Variants in MAGI2 observed in about 807,000 individuals in gnomAD.
The protein encoded by MAGI2 is membrane-associated guanylate kinase, WW and PDZ domain-containing protein 2.
In MAGI2, 35 loss-of-function variants were observed where a neutral mutation model predicts 133.3. The observed-to-expected ratio is 0.26, with a 90% confidence interval of 0.20 to 0.35. The LOEUF is 0.35. Among genes scored for constraint, MAGI2 ranks in the 10% least tolerant of loss-of-function variants. The probability of loss-of-function intolerance (pLI) is 1.00; values close to 1 mark genes in which losing one functional copy is unlikely to be tolerated. For synonymous variants in MAGI2, 729 were observed against 710.6 expected, an observed-to-expected ratio of 1.03 and a Z score of -0.41; for missense variants, 1,636 against 1,863.4, an observed-to-expected ratio of 0.88 and a Z score of 2.25.
intron 6 of MAGI2, among the ~76,000 whole-genome samples, chr7:78,438,116 G>A (rs993898548): frequency 2.6e-5 from 4 of 152,172 alleles, no homozygotes; most frequent in Admixed American, 2.6e-4. Context: ...ATCAACTGGT[G>A]AGAATAAAGC....
At position 78,875,559 on chromosome 7, in the gene MAGI2, T is replaced by A. The variant is rs572488204; in HGVS notation, c.418+131531A>T. ...TGTGTAGACAAATAAATAGTTTGGC[T>A]TTAAGCAAATTAATTACTTATCAGA... On this transcript the variant is annotated intron_variant, in intron 2 of 21. Transcript: ENST00000354212. Among the ~76,000 whole-genome samples the A allele has an allele frequency of 5.1e-4, 78 of 152,362 alleles. 1 individual carries two copies. Among genetic ancestry groups the A allele is most frequent in the African/African-American group, 1.8e-3 (73 of 41,586 alleles).
chr7:79,270,193 G>C (rs1834777057), intron 1 of MAGI2, among the ~76,000 whole-genome samples: 1 of 151,942 alleles, frequency 6.6e-6, no homozygotes, highest in African/African-American at 2.4e-5. Context: ...CCATTCTCCA[G>C]CTCCCTGCCC....
At chr7:79,383,156 C>T (rs1843920419) in intron 1 of MAGI2, among the ~76,000 whole-genome samples, 1 of 151,550 alleles carries the variant, frequency 6.6e-6, no homozygotes, top group Non-Finnish European at 1.5e-5. Context: ...TTTCTCTTTG[C>T]CTCAGAGTAT....
intron 3 of MAGI2, among the ~76,000 whole-genome samples, chr7:78,542,865 T>TA (rs1798526800): frequency 6.6e-6 from 1 of 152,208 alleles, no homozygotes; most frequent in Admixed American, 6.5e-5. Flanking sequence ...TCCTTCTTGT[T>TA]ACGCTGTGGA....
At chr7:78,295,373 CAGG>C (rs1286529784) in intron 9 of MAGI2, among the ~76,000 whole-genome samples, 4 of 152,168 alleles carry the variant, frequency 2.6e-5, no homozygotes, top group African/African-American at 4.8e-5. Context: ...CTTAGACTAA[CAGG>C]AGAATAAACT....
intron 1 of MAGI2, among the ~76,000 whole-genome samples, chr7:79,383,136 T>C (rs1843918668): frequency 6.6e-6 from 1 of 151,658 alleles, no homozygotes. Context: ...TCTAGGACCA[T>C]TGGTGGCTTT....
chr7:78,565,080 C>A (rs572016853), intron 3 of MAGI2, among the ~76,000 whole-genome samples: 1 of 151,792 alleles, frequency 6.6e-6, no homozygotes, highest in African/African-American at 2.4e-5. Context: ...GGTGTGAGCA[C>A]CGCGCCCGGC....
At chr7:78,432,572 A>G (rs1014030477) in intron 6 of MAGI2, among the ~76,000 whole-genome samples, 1 of 152,068 alleles carries the variant, frequency 6.6e-6, no homozygotes, top group Non-Finnish European at 1.5e-5. Context: ...TTTGAACAGA[A>G]CATATTAGTA....
chr7:78,358,886 G>A (rs981586851), intron 7 of MAGI2: 2 of 156,362 alleles, frequency 1.3e-5, no homozygotes, highest in Admixed American at 1.3e-4. Flanking sequence ...GACCAGAAAA[G>A]ACTGTTTATT....
intron 2 of MAGI2, among the ~76,000 whole-genome samples, chr7:78,804,757 A>AC (rs1563525997): frequency 1.4e-3 from 15 of 10,994 alleles, no homozygotes; most frequent in Non-Finnish European, 0.011. Context: ...TCAAAAAAAA[A>AC]AAAAAAAAAA....
intron 15 of MAGI2, among the ~76,000 whole-genome samples, chr7:78,165,799 A>G (rs1211513220): frequency 6.6e-6 from 1 of 152,176 alleles, no homozygotes; most frequent in African/African-American, 2.4e-5. Flanking sequence ...AGGCATCTCC[A>G]TTGTCATATT....
chr7:79,053,530 A>C (rs181314641), intron 1 of MAGI2, among the ~76,000 whole-genome samples: 230 of 152,272 alleles, frequency 1.5e-3, no homozygotes, highest in Non-Finnish European at 2.8e-3. Flanking sequence ...TGAAAAAAAA[A>C]CTTTATAATA....
intron 1 of MAGI2, among the ~76,000 whole-genome samples, chr7:79,137,450 G>GTTTTTTT (rs376997399): frequency 7.5e-6 from 1 of 133,298 alleles, no homozygotes; most frequent in Non-Finnish European, 1.6e-5. Context: ...GGTGTTTTTT[G>GTTTTTTT]TTTTTTTTTT....
chr7:79,121,287 A>G (rs532027713), intron 1 of MAGI2, among the ~76,000 whole-genome samples: 1 of 152,298 alleles, frequency 6.6e-6, no homozygotes, highest in Admixed American at 6.5e-5. Context: ...CAACCCATTC[A>G]GTGAACTTTT....
At chr7:78,310,667 T>G (rs565881056) in intron 9 of MAGI2, among the ~76,000 whole-genome samples, 1 of 151,972 alleles carries the variant, frequency 6.6e-6, no homozygotes, top group African/African-American at 2.4e-5. Context: ...AGGTGGGAAA[T>G]TGAAAAGTTA....
intron 2 of MAGI2, among the ~76,000 whole-genome samples, chr7:78,659,754 A>G (rs1030270719): frequency 1.3e-5 from 2 of 152,154 alleles, no homozygotes; most frequent in Admixed American, 6.5e-5. Context: ...GTGATATTGT[A>G]CTATTGTTTT....
At chr7:78,902,290 C>T (rs1797669073) in intron 2 of MAGI2, among the ~76,000 whole-genome samples, 1 of 152,104 alleles carries the variant, frequency 6.6e-6, no homozygotes. Context: ...AATATGAATA[C>T]TCTCATATTG....
chr7:78,893,850 C>T (rs557501697), intron 2 of MAGI2, among the ~76,000 whole-genome samples: 72 of 152,262 alleles, frequency 4.7e-4, no homozygotes, highest in African/African-American at 1.6e-3. Context: ...ACGTTGTGCA[C>T]ATGTACCCTA....
intron 13 of MAGI2, among the ~76,000 whole-genome samples, chr7:78,183,522 C>A (rs574221666): frequency 2.4e-4 from 37 of 152,096 alleles, no homozygotes; most frequent in African/African-American, 8.2e-4. Flanking sequence ...ACTCGGCCTC[C>A]CAAAGTGCTG....
Sources: gnomAD v4.1 joint callset for allele counts (sites outside exome capture counted in the v4.1 genomes callset) on GRCh38, gnomAD v4.1.1 for gene constraint, MANE v1.5 for transcripts, NCBI Gene and HGNC (gene_info 2026-07-23, HGNC 2026-07-21) for gene names.